The following MYH10 variants were observed in gnomAD, a reference collection of about 807,000 sequenced individuals.
MYH10 encodes myosin-10.
In MYH10, 55 loss-of-function variants were observed where a neutral mutation model predicts 257.8. The observed-to-expected ratio is 0.21, with a 90% CI of 0.17 to 0.27. The LOEUF is 0.27. Among genes scored for constraint, MYH10 ranks in the 10% least tolerant of loss-of-function variants. The probability of loss-of-function intolerance (pLI) is 1.00; values close to 1 mark genes in which losing one functional copy is unlikely to be tolerated. For synonymous variants in MYH10, 854 were observed against 921.7 expected (o/e 0.93, Z 1.33); for missense variants, 1,631 against 2,500.6 (o/e 0.65, Z 7.42).
chr17:8,539,260 A>T (rs1173026778), intron 14 of MYH10, among the ~76,000 whole-genome samples: 2 of 152,234 alleles, frequency 1.3e-5, no homozygotes, highest in Non-Finnish European at 2.9e-5. Context: ...CACTCGCCAA[A>T]TAACTTCCCT....
intron 3 of MYH10, among the ~76,000 whole-genome samples, chr17:8,595,685 C>A (rs757206417): frequency 2.0e-5 from 3 of 152,104 alleles, no homozygotes; most frequent in Non-Finnish European, 4.4e-5. Context: ...CCTGCCTTGG[C>A]CTCCCAAAGT....
chr17:8,587,313 G>C (rs377224532), intron 4 of MYH10, among the ~76,000 whole-genome samples: 1 of 152,138 alleles, frequency 6.6e-6, no homozygotes, highest in African/African-American at 2.4e-5. Context: ...AAGTTTCAGC[G>C]TGATTTGCTG....
In MYH10 at chr17:8,552,131, C is replaced by A; in HGVS notation, c.834G>T (p.Lys278Asn). ...CTTTTGCTTGACGAACAGCACGAGA[C>A]TTTTCCAGAAGGTCTGAGCAAAGAC... Reference protein sequence around the residue: ...GANIETYLLEKSRAVRQAKDE... With the variant: ...GANIETYLLENSRAVRQAKDE... The change falls in exon 9 of 43, where the codon AAG becomes AAT. Residue 278 changes from lysine to asparagine, a missense_variant. Lys to Asn is a moderately conservative substitution (Grantham distance 94, BLOSUM62 0). Coordinates refer to ENST00000360416, the MANE Select transcript of MYH10 (RefSeq NM_001256012.3). The surrounding 1 kb of genome is among the most constrained non-coding windows in gnomAD (Gnocchi z 4.8). 6.4e-7 allele frequency: 1 copy of A among 1,556,476 alleles called. No individual in the cohort carries two copies. Among genetic ancestry groups the A allele is most frequent in the Non-Finnish European group, 8.7e-7 (1 of 1,146,848 alleles).
intron 40 of MYH10, among the ~76,000 whole-genome samples, chr17:8,479,649 T>C (rs1276294757): frequency 2.6e-5 from 4 of 152,256 alleles, no homozygotes; most frequent in African/African-American, 9.6e-5. Context: ...CTTTGTAATA[T>C]GCCTGCCAGC....
chr17:8,579,005 G>C (rs563829168), intron 4 of MYH10, among the ~76,000 whole-genome samples: 65 of 152,188 alleles, frequency 4.3e-4, no homozygotes, highest in African/African-American at 1.6e-3. Flanking sequence ...CACTATTTGG[G>C]CCGGCCACAG....
chr17:8,519,468 C>A (rs2081579429), intron 19 of MYH10, among the ~76,000 whole-genome samples: 1 of 152,052 alleles, frequency 6.6e-6, no homozygotes, highest in Non-Finnish European at 1.5e-5. Context: ...CATTTAAAAT[C>A]TGTGTACCTC....
intron 32 of MYH10, 34 bp from the exon 33 acceptor site, chr17:8,493,058 G>A (rs775706905): frequency 6.3e-7 from 1 of 1,599,764 alleles, no homozygotes; most frequent in South Asian, 1.1e-5. Context: ...AGAAAGCTCA[G>A]TATTAATGTA....
chr17:8,618,204 A>G (rs1259861805), intron 2 of MYH10, among the ~76,000 whole-genome samples: 1 of 151,360 alleles, frequency 6.6e-6, no homozygotes, highest in Non-Finnish European at 1.5e-5. Flanking sequence ...AACCATGGAT[A>G]TTTATCTTTG....
chr17:8,616,335 C>T (rs1381543390), intron 2 of MYH10, among the ~76,000 whole-genome samples: 1 of 151,506 alleles, frequency 6.6e-6, no homozygotes, highest in Admixed American at 6.6e-5. Context: ...TATTTGTGGA[C>T]AACATGTGTG....
At position 8,499,790 on chromosome 17, in the gene MYH10, T is replaced by G. The variant is rs536274703; in HGVS notation, c.3745-314A>C. Among the ~76,000 whole-genome samples the G allele has an allele frequency of 1.4e-4, 22 of 152,326 alleles. No individual in the cohort carries two copies. In the South Asian group the frequency reaches 4.6e-3, roughly 32 times the overall value. On this transcript the variant is annotated intron_variant, in intron 29 of 42. Coordinates refer to ENST00000360416, the MANE Select transcript of MYH10 (RefSeq NM_001256012.3). ...TCACACTGTCCTCTGTATAAAAAAG[T>G]GTTGTTAGTGTAAAGAATTGTTTTA...
intron 3 of MYH10, among the ~76,000 whole-genome samples, chr17:8,591,536 C>G (rs1567950737): frequency 6.6e-6 from 1 of 152,184 alleles, no homozygotes; most frequent in African/African-American, 2.4e-5. Flanking sequence ...CCGAATTTTC[C>G]TGGTCTTAGC....
At chr17:8,526,425 A>C (rs1035831923) in intron 17 of MYH10, among the ~76,000 whole-genome samples, 9 of 152,180 alleles carry the variant, frequency 5.9e-5, no homozygotes, top group African/African-American at 2.2e-4. Context: ...AGCTTTGTTT[A>C]TTCTTGCACT....
At chr17:8,556,782 A>G (rs921393405) in intron 7 of MYH10, among the ~76,000 whole-genome samples, 1 of 152,230 alleles carries the variant, frequency 6.6e-6, no homozygotes, top group Non-Finnish European at 1.5e-5. Flanking sequence ...TTCAAAAACA[A>G]TCAAGGGAGA....
At chr17:8,520,332 T>C (rs1410675274) in intron 19 of MYH10, among the ~76,000 whole-genome samples, 1 of 152,018 alleles carries the variant, frequency 6.6e-6, no homozygotes, top group Non-Finnish European at 1.5e-5. Context: ...CCGTCTCTAC[T>C]AAAAATACAA....
chr17:8,521,289 GGGA>G lies in MYH10; in HGVS notation c.1958-7_1958-5del. ...TCCAGACCCACGATACGGTCCACTG[GGGA>G]GAAGAAAGGAGAAAACAAATATAAG... On this transcript the variant is annotated splice_polypyrimidine_tract_variant and splice_region_variant and intron_variant, in intron 17 of 42. Coordinates refer to ENST00000360416, the MANE Select transcript of MYH10 (RefSeq NM_001256012.3). The G allele has an allele frequency of 6.2e-7, 1 of 1,613,682 alleles. No homozygotes were observed.
At chr17:8,516,306 T>C (rs1020976768) in intron 21 of MYH10, among the ~76,000 whole-genome samples, 1 of 152,264 alleles carries the variant, frequency 6.6e-6, no homozygotes, top group Non-Finnish European at 1.5e-5. Context: ...CATGGATTTC[T>C]GTAAAGATAC....
chr17:8,554,549 T>C (rs909572760), intron 7 of MYH10, among the ~76,000 whole-genome samples: 2 of 152,256 alleles, frequency 1.3e-5, no homozygotes, highest in African/African-American at 4.8e-5. Context: ...ATATTTGATT[T>C]CTTTACTATA....
chr17:8,618,385 A>T (rs1171215998), intron 2 of MYH10, among the ~76,000 whole-genome samples: 1 of 151,888 alleles, frequency 6.6e-6, no homozygotes, highest in East Asian at 1.9e-4. Context: ...GGCTACAGGC[A>T]TGTGCCACCA....
At position 8,477,003 on chromosome 17, in the gene MYH10, C is replaced by T; in HGVS notation, c.5752G>A (p.Glu1918Lys). The T allele has an allele frequency of 6.2e-7, 1 of 1,614,198 alleles. No individual in the cohort carries two copies. The highest frequency in any genetic ancestry group is 8.5e-7 in the Non-Finnish European group (1 of 1,180,056). The change falls in exon 42 of 43, where the codon GAG becomes AAG. Residue 1918 changes from glutamate to lysine, a missense_variant. By Grantham distance (56) the Glu-to-Lys change is moderately conservative. Coordinates refer to ENST00000360416, the MANE Select transcript of MYH10 (RefSeq NM_001256012.3). The surrounding 1 kb of genome is among the most constrained non-coding windows in gnomAD (Gnocchi z 4.2). ...ARMKQLKRQL[E>K]EAEEEATRAN... The stretch of plus-strand genomic sequence containing the variant: ...CGCGTCGCTTCTTCTTCTGCTTCCT[C>T]CAGCTGGCGTTTAAGCTGCTTCATC...
Sources: gnomAD v4.1 joint callset for allele counts (sites outside exome capture counted in the v4.1 genomes callset) on GRCh38, gnomAD v4.1.1 for gene constraint, Gnocchi (gnomAD v3.1) non-coding constraint, MANE v1.5 for transcripts, NCBI Gene and HGNC (gene_info 2026-07-23, HGNC 2026-07-21) for gene names.